Variants in RFX8 observed in about 807,000 individuals in gnomAD.
RFX8 encodes the protein regulatory factor X8.
A neutral mutation model predicts 54.6 loss-of-function variants in RFX8; 46 were observed. The observed-to-expected ratio is 0.84, with a 90% CI of 0.67 to 1.08. The LOEUF (loss-of-function observed/expected upper bound fraction) is 1.08, where lower values mean the gene tolerates loss of function less well. RFX8 is among the 50% of genes least tolerant of loss of function. The pLI is 0.00. For synonymous variants in RFX8, 192 were observed against 209.5 expected, an observed-to-expected ratio of 0.92 and a Z score of 0.72; for missense variants, 536 against 562.3, an observed-to-expected ratio of 0.95 and a Z score of 0.47.
intron 2 of RFX8, among the ~76,000 whole-genome samples, chr2:101,456,477 G>C (rs1035414890): frequency 6.6e-6 from 1 of 152,098 alleles, no homozygotes; most frequent in African/African-American, 2.4e-5. Context: ...TAATCATGTG[G>C]TTTTGTCGTT....
At chr2:101,415,036 C>T (rs1005156738) in intron 6 of RFX8, 124 bp from the exon 7 acceptor site, 5 of 674,890 alleles carry the variant, frequency 7.4e-6, no homozygotes, top group South Asian at 7.1e-5. Flanking sequence ...ACTTCCCCCA[C>T]CCCCGTGTCT....
rs1045860669 is a variant in RFX8, at chr2:101,468,004, G to T, written c.-52-1104C>A. On this transcript the variant is annotated intron_variant, in intron 1 of 11. Transcript: ENST00000428343. Reference sequence around the variant, plus strand: ...AAATATGGGTATTTTGCTCTAGATGGGTATATGGGTAGTATACAGCTTATC... The same window carrying T: ...AAATATGGGTATTTTGCTCTAGATGTGTATATGGGTAGTATACAGCTTATC... Among the ~76,000 whole-genome samples, 10 of 152,148 alleles carry T rather than the reference G, an allele frequency of 6.6e-5. No individual in the cohort carries two copies. The South Asian group carries it at 2.1e-3, about 32-fold the overall frequency.
chr2:101,446,486 T>G (rs914140353), intron 2 of RFX8, among the ~76,000 whole-genome samples: 5 of 11,276 alleles, frequency 4.4e-4, no homozygotes, highest in African/African-American at 9.4e-4. Flanking sequence ...GTTGATCAAT[T>G]ATTAAGTATA....
chr2:101,473,081 T>C (rs930403797), intron 1 of RFX8, among the ~76,000 whole-genome samples: 3 of 152,052 alleles, frequency 2.0e-5, no homozygotes, highest in Admixed American at 6.5e-5. Context: ...TTGGGCCTCA[T>C]GCAGCCCTTA....
At chr2:101,436,791 T>C (rs1429851618) in intron 2 of RFX8, among the ~76,000 whole-genome samples, 1 of 152,154 alleles carries the variant, frequency 6.6e-6, no homozygotes, top group East Asian at 1.9e-4. Flanking sequence ...GGGGCAGCGC[T>C]CTGGTCCTCT....
chr2:101,465,570 T>C (rs547656170), intron 2 of RFX8, among the ~76,000 whole-genome samples: 4 of 152,020 alleles, frequency 2.6e-5, no homozygotes, highest in African/African-American at 9.6e-5. Flanking sequence ...TAAAATACAA[T>C]AGGAATAAGA....
At chr2:101,430,243 G>A (rs1256833168) in intron 2 of RFX8, among the ~76,000 whole-genome samples, 1 of 152,208 alleles carries the variant, frequency 6.6e-6, no homozygotes, top group South Asian at 2.1e-4. Flanking sequence ...ATAGGGTGAT[G>A]GGCAATGCTA....
intron 2 of RFX8, among the ~76,000 whole-genome samples, chr2:101,455,597 C>T (rs1230866464): frequency 6.6e-6 from 1 of 152,116 alleles, no homozygotes; most frequent in African/African-American, 2.4e-5. Context: ...GTACCAGTAC[C>T]ATGCTGTTTT....
At chr2:101,447,548 A>T (rs971359876) in intron 2 of RFX8, among the ~76,000 whole-genome samples, 2 of 152,242 alleles carry the variant, frequency 1.3e-5, no homozygotes, top group Non-Finnish European at 2.9e-5. Context: ...ATATTGTGAT[A>T]CATGCATCAG....
chr2:101,440,108 T>TAAAA (rs35325879), intron 2 of RFX8, among the ~76,000 whole-genome samples: 6 of 150,920 alleles, frequency 4.0e-5, no homozygotes, highest in Non-Finnish European at 5.9e-5. Context: ...GCTGAGATTT[T>TAAAA]AAAAAAAAAC....
At chr2:101,454,257 T>C (rs894088882) in intron 2 of RFX8, among the ~76,000 whole-genome samples, 8 of 152,194 alleles carry the variant, frequency 5.3e-5, no homozygotes, top group Admixed American at 6.5e-5. Context: ...TAGTATTCCA[T>C]GGTGTATATG....
intron 2 of RFX8, among the ~76,000 whole-genome samples, chr2:101,444,800 T>A (rs1688281500): frequency 6.6e-6 from 1 of 152,248 alleles, no homozygotes; most frequent in African/African-American, 2.4e-5. Flanking sequence ...CAGATCAATA[T>A]GCTTAGAAGC....
At chr2:101,405,858 C>G in intron 10 of RFX8, 85 bp downstream of exon 10, 2 of 769,174 alleles carry the variant, frequency 2.6e-6, no homozygotes, top group South Asian at 2.1e-5. Flanking sequence ...CGGCTGGATT[C>G]TACATAGCAA....
At chr2:101,416,102 TG>T (rs1686490703) in intron 6 of RFX8, among the ~76,000 whole-genome samples, 1 of 147,956 alleles carries the variant, frequency 6.8e-6, no homozygotes, top group South Asian at 2.1e-4. Context: ...TGGAGGAGAG[TG>T]GGCCATCTGG....
chr2:101,473,979 GC>G (rs1690153029), intron 1 of RFX8, among the ~76,000 whole-genome samples: 1 of 152,210 alleles, frequency 6.6e-6, no homozygotes, highest in South Asian at 2.1e-4. Context: ...CAGATGGGAA[GC>G]CCGGCCCCAT....
chr2:101,422,594 T>G, intron 2 of RFX8, 122 bp from the exon 3 acceptor site: 2 of 614,904 alleles, frequency 3.3e-6, no homozygotes, highest in Non-Finnish European at 5.8e-6. Flanking sequence ...GCCACACCTC[T>G]GCACACATTA....
intron 11 of RFX8, among the ~76,000 whole-genome samples, chr2:101,399,077 G>A (rs1685283461): frequency 6.6e-6 from 1 of 152,154 alleles, no homozygotes; most frequent in Non-Finnish European, 1.5e-5. Context: ...AACACGCCTT[G>A]GCATCTGACT....
intron 10 of RFX8, among the ~76,000 whole-genome samples, chr2:101,403,400 C>T (rs1685557949): frequency 6.6e-6 from 1 of 152,148 alleles, no homozygotes; most frequent in African/African-American, 2.4e-5. Flanking sequence ...TTAATGTTTG[C>T]TTGAGAAACA....
intron 10 of RFX8, among the ~76,000 whole-genome samples, chr2:101,403,227 C>CTT (rs199796186): frequency 0.018 from 2,706 of 152,218 alleles, 74 homozygotes; most frequent in Non-Finnish European, 0.02. Flanking sequence ...GGCTGCAGCT[C>CTT]TTTGTGTGGG....
Sources: gnomAD v4.1 joint callset for allele counts (sites outside exome capture counted in the v4.1 genomes callset) on GRCh38, gnomAD v4.1.1 for gene constraint, MANE v1.5 for transcripts, NCBI Gene and HGNC (gene_info 2026-07-23, HGNC 2026-07-21) for gene names.